The following TTC34 variants were observed in gnomAD, a reference collection of about 807,000 sequenced individuals.
TTC34 encodes tetratricopeptide repeat protein 34.
TTC34 carries 44 observed loss-of-function variants against 40.7 expected under a neutral mutation model. The observed-to-expected ratio is 1.08, with a 90% CI of 0.85 to 1.39. The LOEUF is 1.39. Among genes scored for constraint, TTC34 ranks in the 40% most tolerant of loss-of-function variants. The pLI, the probability that TTC34 is intolerant of heterozygous loss-of-function variation, is 0.00. For synonymous variants in TTC34, 422 were observed against 398.6 expected (o/e 1.06, Z -0.70); for missense variants, 884 against 838.0 (o/e 1.05, Z -0.68).
intron 2 of TTC34, among the ~76,000 whole-genome samples, chr1:2,792,717 T>A (rs1380555812): frequency 6.6e-6 from 1 of 152,228 alleles, no homozygotes; most frequent in Non-Finnish European, 1.5e-5. Flanking sequence ...ATACACAGAT[T>A]TGGTGCTGCA....
chr1:2,651,034 G>T (rs1007731899), intron 6 of TTC34, among the ~76,000 whole-genome samples: 1 of 150,532 alleles, frequency 6.6e-6, no homozygotes, highest in Admixed American at 6.6e-5. Context: ...ACGCCTTCGG[G>T]GGGGCATCTG....
rs767077242 is a variant in TTC34 at position 2,789,489 on chromosome 1, G to A, written c.1628+14C>T. The stretch of plus-strand genomic sequence containing the variant: ...AGGAAGCAGCGGCCCCAGCGTGCCC[G>A]GGCGGGTCCTCACCCCTCCTGCGTG... On this transcript the variant is annotated intron_variant, in intron 3 of 8. Transcript: ENST00000401095. 4.0e-6 allele frequency: 6 copies of A among 1,506,696 alleles called. No individual in the cohort carries two copies. The highest frequency in any genetic ancestry group is 2.1e-5 in the Admixed American group (1 of 47,810). The allele number at this position is 1,506,696 out of a possible 1,614,324, so 93.3% of individuals were successfully genotyped here.
exon 9 of TTC34, chr1:2,637,469 G>C (rs1184068814): frequency 2.0e-5 from 3 of 152,282 alleles, no homozygotes; most frequent in African/African-American, 4.8e-5. Flanking sequence ...GTTGTTGCTT[G>C]GGCTGGGCTG....
At chr1:2,695,661 G>A (rs1366252105) in intron 6 of TTC34, among the ~76,000 whole-genome samples, 1 of 112,932 alleles carries the variant, frequency 8.9e-6, no homozygotes, top group Non-Finnish European at 1.9e-5. Context: ...TGACCGCCTG[G>A]AACAGCACCC....
intron 6 of TTC34, among the ~76,000 whole-genome samples, chr1:2,777,630 G>C (rs1271350379): frequency 6.7e-6 from 1 of 150,348 alleles, no homozygotes; most frequent in Non-Finnish European, 1.5e-5. Flanking sequence ...CGCTGAGTCA[G>C]AGCTCACAGC....
intron 6 of TTC34, among the ~76,000 whole-genome samples, chr1:2,675,552 A>T (rs1639879171): frequency 1.5e-5 from 2 of 134,270 alleles, no homozygotes; most frequent in African/African-American, 5.7e-5. Context: ...AGCCTGGAAG[A>T]GCACCCACAC....
In TTC34 at chr1:2,645,151, T is replaced by G; in HGVS notation, c.2497+142A>C. 5 of 1,023,598 alleles carry G rather than the reference T, an allele frequency of 4.9e-6. No homozygotes were observed. Among genetic ancestry groups the G allele is most frequent in the Non-Finnish European group, 6.6e-6 (5 of 763,322 alleles). The allele number at this position is 1,023,598 out of a possible 1,614,324, so 63.4% of individuals were successfully genotyped here. On this transcript the variant is annotated intron_variant, in intron 7 of 8. Coordinates refer to ENST00000401095, the Ensembl canonical transcript of TTC34. The surrounding 1 kb of genome is among the most constrained non-coding windows in gnomAD (Gnocchi z 4.7). Reference sequence around the variant, plus strand: ...ACACAGGGAGCAGGGCCAGAGGTCATGGGATTTGGGGTGGAAGGGACCTTG... The same window carrying G: ...ACACAGGGAGCAGGGCCAGAGGTCAGGGGATTTGGGGTGGAAGGGACCTTG...
At position 2,751,941 on chromosome 1, in the gene TTC34, C is replaced by T. The variant is rs1249004493; in HGVS notation, c.2226+31668G>A. 1.7e-5 allele frequency among the ~76,000 whole-genome samples: 2 copies of T among 116,344 alleles called. 1 individual carries two copies. The highest frequency in any genetic ancestry group is 3.4e-5 in the Non-Finnish European group (2 of 58,640). 76.3% of individuals were successfully genotyped at this position (116,344 alleles called of 152,430 possible). ...AGCAGCACGCATAACCACAGGTGAA[C>T]ATCGGAGAGTCTGGAGCAGCGCCCA... is the stretch of plus-strand genomic sequence containing the variant. On this transcript the variant is annotated intron_variant, in intron 6 of 8. Transcript: ENST00000401095.
chr1:2,695,660 G>T (rs1640828784), intron 6 of TTC34, among the ~76,000 whole-genome samples: 1 of 138,516 alleles, frequency 7.2e-6, no homozygotes, highest in Admixed American at 7.3e-5. Context: ...CTGACCGCCT[G>T]GAACAGCACC....
At chr1:2,687,204 C>G (rs538753037) in intron 6 of TTC34, among the ~76,000 whole-genome samples, 2 of 146,120 alleles carry the variant, frequency 1.4e-5, no homozygotes, top group Non-Finnish European at 3.0e-5. Context: ...AGCACCCACA[C>G]CTCCCGGCGA....
chr1:2,788,562 G>A (rs1430215318), intron 3 of TTC34, among the ~76,000 whole-genome samples: 2 of 152,208 alleles, frequency 1.3e-5, no homozygotes, highest in Non-Finnish European at 2.9e-5. Context: ...AATTACACGA[G>A]GGAAGTCAAA....
At chr1:2,748,563 C>CCCA (rs1641220603) in intron 6 of TTC34, among the ~76,000 whole-genome samples, 1 of 83,504 alleles carries the variant, frequency 1.2e-5, no homozygotes, top group Non-Finnish European at 2.4e-5. Flanking sequence ...AACCACACCA[C>CCCA]CATGCGAGCA....
At chr1:2,789,388 C>A in intron 3 of TTC34, 115 bp downstream of exon 3, 1 of 1,092,026 alleles carries the variant, frequency 9.2e-7, no homozygotes, top group Non-Finnish European at 1.3e-6. Context: ...TTTGGGAAGT[C>A]ACCAGCCACT....
intron 6 of TTC34, among the ~76,000 whole-genome samples, chr1:2,652,262 G>A (rs973068650): frequency 2.2e-5 from 3 of 137,584 alleles, no homozygotes; most frequent in African/African-American, 8.2e-5. Context: ...GTGAGCATCC[G>A]ACAGCCTGGA....
chr1:2,645,215 C>T lies in TTC34; in HGVS notation c.2497+78G>A. 2 of 1,358,104 alleles carry T rather than the reference C, an allele frequency of 1.5e-6. No individual in the cohort carries two copies. Among genetic ancestry groups the T allele is most frequent in the Non-Finnish European group, 1.9e-6 (2 of 1,053,148 alleles). The allele number at this position is 1,358,104 out of a possible 1,614,324, so 84.1% of individuals were successfully genotyped here. A position where few individuals can be genotyped will look rare whatever the true frequency, so the allele number is the denominator to read the frequency against. ...TCCGGGTCTCTTTCTTCCATTTTTA[C>T]AGAACAGGATACAGAGGTCAGAGGA... On this transcript the variant is annotated intron_variant, in intron 7 of 8. Transcript: ENST00000401095. The surrounding 1 kb of genome is among the most constrained non-coding windows in gnomAD (Gnocchi z 4.7).
chr1:2,767,839 A>AGTG (rs1641823605), intron 6 of TTC34, among the ~76,000 whole-genome samples: 1 of 150,254 alleles, frequency 6.7e-6, no homozygotes. Context: ...CTGGAGCAGC[A>AGTG]CCCACACCCC....
intron 6 of TTC34, among the ~76,000 whole-genome samples, chr1:2,752,222 A>G (rs1332680319): frequency 8.7e-6 from 1 of 115,154 alleles, no homozygotes; most frequent in Non-Finnish European, 1.7e-5. Flanking sequence ...CCAGGTGAGC[A>G]TCTGACAGAC....
rs1357445000 is a variant in TTC34 at position 2,750,342 on chromosome 1, C to G, written c.2226+33267G>C. 7.6e-5 allele frequency among the ~76,000 whole-genome samples: 6 copies of G among 79,136 alleles called. 2 individuals are homozygous for G. In the Admixed American group the frequency reaches 8.8e-4, roughly 12 times the overall value. 51.9% of individuals were successfully genotyped at this position (79,136 alleles called of 152,430 possible). On this transcript the variant is annotated intron_variant, in intron 6 of 8. Transcript: ENST00000401095. ...CCCCCATGCCCAGGTGAGCCTCTGA[C>G]AGCCTTGAACAGCACCCTGCACCCC... is the stretch of plus-strand genomic sequence containing the variant.
intron 6 of TTC34, among the ~76,000 whole-genome samples, chr1:2,752,197 A>T (rs1479494076): frequency 8.9e-6 from 1 of 111,882 alleles, no homozygotes; most frequent in African/African-American, 4.2e-5. Flanking sequence ...ACAGCCTGGA[A>T]CAGAACCCAC....
Sources: gnomAD v4.1 joint callset for allele counts (sites outside exome capture counted in the v4.1 genomes callset) on GRCh38, gnomAD v4.1.1 for gene constraint, Gnocchi (gnomAD v3.1) non-coding constraint, MANE v1.5 for transcripts, NCBI Gene and HGNC (gene_info 2026-07-23, HGNC 2026-07-21) for gene names.